Variants in TTC28 observed in about 807,000 individuals in gnomAD.
TTC28 encodes tetratricopeptide repeat domain 28.
In TTC28, 61 loss-of-function variants were observed where a neutral mutation model predicts 198.0. The observed-to-expected ratio is 0.31, with a 90% confidence interval of 0.25 to 0.38. The LOEUF (loss-of-function observed/expected upper bound fraction) is 0.38. TTC28 is among the 10% of genes least tolerant of loss of function. The pLI, the probability that TTC28 is intolerant of heterozygous loss-of-function variation, is 1.00. For synonymous variants in TTC28, 1,171 were observed against 1,297.8 expected, an observed-to-expected ratio of 0.90 and a Z score of 2.10; for missense variants, 2,678 against 3,164.0, an observed-to-expected ratio of 0.85 and a Z score of 3.69.
At chr22:28,222,933 A>C (rs1315870206) in intron 5 of TTC28, among the ~76,000 whole-genome samples, 1 of 152,214 alleles carries the variant, frequency 6.6e-6, no homozygotes, top group Non-Finnish European at 1.5e-5. Context: ...CCATGTTTTA[A>C]AATGGCTCTT....
At chr22:28,502,753 A>C (rs1207141837) in intron 2 of TTC28, among the ~76,000 whole-genome samples, 1 of 152,204 alleles carries the variant, frequency 6.6e-6, no homozygotes, top group Non-Finnish European at 1.5e-5. Context: ...GAAATCCTGG[A>C]TACTGCAAAG....
chr22:28,267,885 G>T (rs1312807766), intron 5 of TTC28, among the ~76,000 whole-genome samples: 1 of 152,166 alleles, frequency 6.6e-6, no homozygotes, highest in East Asian at 1.9e-4. Flanking sequence ...TAATAGGACA[G>T]GACAGGGATC....
intron 6 of TTC28, among the ~76,000 whole-genome samples, chr22:28,129,909 A>C (rs1041114841): frequency 6.6e-6 from 1 of 152,160 alleles, no homozygotes; most frequent in African/African-American, 2.4e-5. Context: ...CTGAATTTCT[A>C]ACAAACTCCC....
At chr22:28,531,616 GCAC>G (rs1479547871) in intron 2 of TTC28, among the ~76,000 whole-genome samples, 5 of 152,280 alleles carry the variant, frequency 3.3e-5, no homozygotes, top group South Asian at 4.1e-4. Flanking sequence ...ATTCTTCTCA[GCAC>G]CACATCACAC....
At chr22:28,159,353 A>G (rs1376780339) in intron 6 of TTC28, among the ~76,000 whole-genome samples, 2 of 152,172 alleles carry the variant, frequency 1.3e-5, no homozygotes, top group African/African-American at 4.8e-5. Context: ...TTAATCAAAA[A>G]AAACTAAAAA....
intron 12 of TTC28, among the ~76,000 whole-genome samples, chr22:28,042,875 G>A (rs930599859): frequency 3.9e-5 from 6 of 152,116 alleles, no homozygotes; most frequent in African/African-American, 1.4e-4. Flanking sequence ...CAGGCTACAC[G>A]TTGGGGATGA....
At chr22:28,031,829 G>A (rs1022230012) in intron 12 of TTC28, among the ~76,000 whole-genome samples, 4 of 152,082 alleles carry the variant, frequency 2.6e-5, no homozygotes, top group African/African-American at 7.2e-5. Flanking sequence ...ATTTAAGCTC[G>A]CAGACTGAGT....
At chr22:28,349,751 A>G (rs2045964317) in intron 2 of TTC28, among the ~76,000 whole-genome samples, 1 of 152,260 alleles carries the variant, frequency 6.6e-6, no homozygotes, top group South Asian at 2.1e-4. Context: ...TAAATGTAAG[A>G]AAGTATTATA....
At chr22:28,515,584 A>G (rs1182499598) in intron 2 of TTC28, among the ~76,000 whole-genome samples, 1 of 152,204 alleles carries the variant, frequency 6.6e-6, no homozygotes, top group Non-Finnish European at 1.5e-5. Context: ...GTAAATGTCA[A>G]GAAATCTAAT....
chr22:28,062,709 A>G (rs1284403972), intron 12 of TTC28, among the ~76,000 whole-genome samples: 4 of 152,060 alleles, frequency 2.6e-5, no homozygotes, highest in Non-Finnish European at 4.4e-5. Context: ...AAGCCTATCC[A>G]GTGAATTTTT....
At chr22:28,211,691 A>G (rs1363187817) in intron 5 of TTC28, among the ~76,000 whole-genome samples, 1 of 152,122 alleles carries the variant, frequency 6.6e-6, no homozygotes, top group African/African-American at 2.4e-5. Flanking sequence ...GAGAGACTTT[A>G]ACACCCCACT....
intron 2 of TTC28, among the ~76,000 whole-genome samples, chr22:28,470,785 T>C (rs1370292796): frequency 6.6e-6 from 1 of 151,972 alleles, no homozygotes; most frequent in Non-Finnish European, 1.5e-5. Flanking sequence ...AAGGCAAAAA[T>C]CAGTAAGGCA....
rs142780810 is a variant in TTC28 at position 28,403,941 on chromosome 22, A to C, written c.382-97298T>G. Reference sequence around the variant, plus strand: ...AGGGAAGACAGACTTTTTTTAAGTAAAGAAACATCTGCCCAAAAAGCTTAG... The same window carrying C: ...AGGGAAGACAGACTTTTTTTAAGTACAGAAACATCTGCCCAAAAAGCTTAG... On this transcript the variant is annotated intron_variant, in intron 2 of 22. Coordinates refer to ENST00000397906, the MANE Select transcript of TTC28 (RefSeq NM_001145418.2). Among the ~76,000 whole-genome samples the C allele has an allele frequency of 1.4e-3, 219 of 152,312 alleles. 1 individual carries two copies. The highest frequency in any genetic ancestry group is 5.2e-3 in the African/African-American group (216 of 41,568).
At chr22:28,219,005 G>A (rs1295388471) in intron 5 of TTC28, among the ~76,000 whole-genome samples, 1 of 151,468 alleles carries the variant, frequency 6.6e-6, no homozygotes, top group Non-Finnish European at 1.5e-5. Context: ...TATGAAAATA[G>A]TTGTGACCTC....
intron 2 of TTC28, among the ~76,000 whole-genome samples, chr22:28,516,618 G>A (rs2048792015): frequency 6.6e-6 from 1 of 151,910 alleles, no homozygotes; most frequent in African/African-American, 2.4e-5. Flanking sequence ...CAGGGGGTGG[G>A]GGGCTTGGGG....
chr22:28,199,406 T>G (rs1322505145), intron 5 of TTC28, among the ~76,000 whole-genome samples: 2 of 142,102 alleles, frequency 1.4e-5, no homozygotes, highest in East Asian at 4.0e-4. Context: ...TATATATATA[T>G]ATATATATAT....
intron 6 of TTC28, among the ~76,000 whole-genome samples, chr22:28,145,885 C>A (rs921303264): frequency 1.1e-4 from 17 of 152,344 alleles, no homozygotes; most frequent in Admixed American, 1.0e-3. Flanking sequence ...TCAATCCTCA[C>A]AGCCACCTCA....
chr22:28,420,832 C>T (rs1375421948), intron 2 of TTC28, among the ~76,000 whole-genome samples: 2 of 152,050 alleles, frequency 1.3e-5, no homozygotes, highest in African/African-American at 2.4e-5. Flanking sequence ...AACTCCTGAC[C>T]TCAGGTGATC....
At chr22:28,622,022 G>A (rs1003507082) in intron 2 of TTC28, among the ~76,000 whole-genome samples, 3 of 152,022 alleles carry the variant, frequency 2.0e-5, no homozygotes, top group African/African-American at 7.2e-5. Flanking sequence ...GTAAAGTCTA[G>A]ACATAATATT....
Sources: gnomAD v4.1 joint callset for allele counts (sites outside exome capture counted in the v4.1 genomes callset) on GRCh38, gnomAD v4.1.1 for gene constraint, MANE v1.5 for transcripts, NCBI Gene and HGNC (gene_info 2026-07-23, HGNC 2026-07-21) for gene names.